Variants in ARHGEF6 observed in about 807,000 individuals in gnomAD.
The protein encoded by ARHGEF6 is Rac/Cdc42 guanine nucleotide exchange factor 6, also known as rho guanine nucleotide exchange factor 6.
In ARHGEF6, 9 loss-of-function variants were observed where a neutral mutation model predicts 70.3. That is an observed-to-expected ratio of 0.13 (90% CI 0.08 to 0.22). The LOEUF (loss-of-function observed/expected upper bound fraction) is 0.22, where lower values mean the gene tolerates loss of function less well. ARHGEF6 is among the 10% of genes least tolerant of loss of function. The probability of loss-of-function intolerance (pLI) is 1.00; values close to 1 mark genes in which losing one functional copy is unlikely to be tolerated. For synonymous variants in ARHGEF6, 201 were observed against 207.8 expected, an observed-to-expected ratio of 0.97 and a Z score of 0.28; for missense variants, 470 against 563.0, an observed-to-expected ratio of 0.83 and a Z score of 1.67.
rs775447770 is a variant in ARHGEF6 at position 136,699,547 on chromosome X, A to ATC, written c.1046+7360_1046+7361insGA. ...AAACTGAAAATCAATGACTTTTGTT[A>ATC]GATTTACTGAGAATTGAGATCACAG... On this transcript the variant is annotated intron_variant, in intron 9 of 21. Coordinates refer to ENST00000250617, the MANE Select transcript of ARHGEF6 (RefSeq NM_004840.3). Among the ~76,000 whole-genome samples, 195 of 111,949 alleles carry ATC rather than the reference A, an allele frequency of 1.7e-3. 1 individual carries two copies. The highest frequency in any genetic ancestry group is 2.6e-3 in the Non-Finnish European group (140 of 53,146).
intron 6 of ARHGEF6, among the ~76,000 whole-genome samples, chrX:136,727,753 C>T (rs763208737): frequency 5.9e-4 from 66 of 111,162 alleles, no homozygotes; most frequent in African/African-American, 2.0e-3. Flanking sequence ...AGGCTGGTCT[C>T]GAACTCCTGA....
chrX:136,778,469 T>C (rs1407141887), intron 2 of ARHGEF6, among the ~76,000 whole-genome samples: 4 of 111,226 alleles, frequency 3.6e-5, no homozygotes, highest in African/African-American at 1.3e-4. Context: ...CCTAAATTAT[T>C]ATGCAGTATC....
chrX:136,714,361 A>C (rs1196535428), intron 6 of ARHGEF6, among the ~76,000 whole-genome samples: 1 of 111,937 alleles, frequency 8.9e-6, no homozygotes, highest in African/African-American at 3.3e-5. Context: ...ACGAGCCTGC[A>C]CATTGTGCAC....
At chrX:136,756,106 C>G (rs774885672) in intron 2 of ARHGEF6, among the ~76,000 whole-genome samples, 47 of 111,196 alleles carry the variant, frequency 4.2e-4, no homozygotes, top group African/African-American at 1.5e-3. Flanking sequence ...ATTAATCATA[C>G]TTGAAGAAAA....
intron 6 of ARHGEF6, among the ~76,000 whole-genome samples, chrX:136,727,325 T>TTTTCTTTCTTTC (rs745840487): frequency 2.9e-4 from 18 of 61,114 alleles, no homozygotes; most frequent in East Asian, 6.1e-4. Flanking sequence ...CTTTCTTTCT[T>TTTTCTTTCTTTC]TTTCTTTCTT....
intron 2 of ARHGEF6, among the ~76,000 whole-genome samples, chrX:136,762,441 G>A (rs1007965912): frequency 3.6e-5 from 4 of 111,650 alleles, no homozygotes; most frequent in Non-Finnish European, 5.6e-5. Flanking sequence ...TGCCAAGGAC[G>A]GTGCTAAGTG....
chrX:136,723,964 G>A (rs908093086), intron 6 of ARHGEF6, among the ~76,000 whole-genome samples: 2 of 111,081 alleles, frequency 1.8e-5, no homozygotes, highest in Admixed American at 1.9e-4. Flanking sequence ...TATTTACTTG[G>A]TTATCTATAG....
At chrX:136,676,031 A>G (rs2076279250) in intron 18 of ARHGEF6, among the ~76,000 whole-genome samples, 1 of 111,843 alleles carries the variant, frequency 8.9e-6, no homozygotes. Flanking sequence ...GATACACACA[A>G]TTCTGTCACC....
At chrX:136,748,312 C>A (rs937770419) in intron 2 of ARHGEF6, among the ~76,000 whole-genome samples, 2 of 111,953 alleles carry the variant, frequency 1.8e-5, no homozygotes, top group Non-Finnish European at 3.8e-5. Context: ...TCTGGCCTGT[C>A]TAATACTACT....
At chrX:136,707,596 C>A (rs1490127697) in intron 8 of ARHGEF6, among the ~76,000 whole-genome samples, 2 of 112,016 alleles carry the variant, frequency 1.8e-5, no homozygotes, top group African/African-American at 6.5e-5. Flanking sequence ...GTTTCTTGGG[C>A]TTTTTTCTAC....
At chrX:136,739,433 T>A (rs1408799468) in intron 5 of ARHGEF6, among the ~76,000 whole-genome samples, 1 of 111,779 alleles carries the variant, frequency 8.9e-6, no homozygotes. Context: ...AGGTATAGAT[T>A]GCGCCTAGGA....
chrX:136,684,302 T>G (rs890919082), intron 12 of ARHGEF6, among the ~76,000 whole-genome samples: 1 of 112,456 alleles, frequency 8.9e-6, no homozygotes, highest in African/African-American at 3.2e-5. Context: ...ACCCAAGGGG[T>G]TTATCCCAAA....
intron 21 of ARHGEF6, among the ~76,000 whole-genome samples, chrX:136,669,052 G>A (rs770808157): frequency 1.7e-4 from 19 of 110,949 alleles, no homozygotes; most frequent in Non-Finnish European, 2.8e-4. Context: ...CTCTCCCCTC[G>A]CATCCATCCT....
At chrX:136,682,543 C>A (rs765850616) in intron 13 of ARHGEF6, among the ~76,000 whole-genome samples, 1 of 111,796 alleles carries the variant, frequency 8.9e-6, no homozygotes, top group Non-Finnish European at 1.9e-5. Context: ...ATAACTAAAG[C>A]GGTGGATATA....
At chrX:136,692,335 T>C (rs947700609) in intron 9 of ARHGEF6, among the ~76,000 whole-genome samples, 2 of 111,586 alleles carry the variant, frequency 1.8e-5, no homozygotes, top group African/African-American at 6.5e-5. Flanking sequence ...CAAGCAATCC[T>C]CCCACCTCGG....
Position 136,667,031 on chromosome X carries a change from T to C in ARHGEF6, c.*998A>G, listed in dbSNP as rs1399071544. 1 of 112,611 alleles carries C rather than the reference T, an allele frequency of 8.9e-6. No homozygotes were observed. The highest frequency in any genetic ancestry group is 1.9e-5 in the Non-Finnish European group (1 of 53,327). 9.3% of individuals were successfully genotyped at this position (112,611 alleles called of 1,213,427 possible). ...CACAATATCTTCTTAATGCAGATTG[T>C]TTTGAAGGATAAAACATCACAGTTT... On this transcript the variant is annotated 3_prime_UTR_variant, in exon 22 of 22. Coordinates refer to ENST00000250617, the MANE Select transcript of ARHGEF6 (RefSeq NM_004840.3).
chrX:136,736,564 A>T (rs1478383147), intron 5 of ARHGEF6, among the ~76,000 whole-genome samples: 1 of 110,625 alleles, frequency 9.0e-6, no homozygotes, highest in Non-Finnish European at 1.9e-5. Context: ...GGTTTTTATC[A>T]TCATGGTCAC....
intron 2 of ARHGEF6, among the ~76,000 whole-genome samples, chrX:136,755,503 T>C (rs945908635): frequency 1.3e-4 from 15 of 111,324 alleles, no homozygotes; most frequent in Admixed American, 1.3e-3. Context: ...TACTAAGATT[T>C]AGGGTAGGAG....
intron 10 of ARHGEF6, among the ~76,000 whole-genome samples, chrX:136,688,516 G>A (rs1044210625): frequency 1.8e-5 from 2 of 110,356 alleles, no homozygotes; most frequent in Middle Eastern, 4.7e-3. Context: ...TCTATCAGCC[G>A]GGCATGGTGG....
Sources: gnomAD v4.1 joint callset for allele counts (sites outside exome capture counted in the v4.1 genomes callset) on GRCh38, gnomAD v4.1.1 for gene constraint, MANE v1.5 for transcripts, NCBI Gene and HGNC (gene_info 2026-07-23, HGNC 2026-07-21) for gene names.